The following XRCC6 variants were observed in gnomAD, a reference collection of about 807,000 sequenced individuals.
The protein encoded by XRCC6 is X-ray repair cross complementing 6, also known as DNA repair protein Ku70.
In XRCC6, 5 loss-of-function variants were observed where a neutral mutation model predicts 65.7. The observed-to-expected ratio is 0.08, with a 90% confidence interval of 0.04 to 0.16. The LOEUF is 0.16. Among genes scored for constraint, XRCC6 ranks in the 10% least tolerant of loss-of-function variants. XRCC6 has a pLI of 1.00. For synonymous variants in XRCC6, 270 were observed against 270.6 expected, an observed-to-expected ratio of 1.00 and a Z score of 0.02; for missense variants, 447 against 738.1, an observed-to-expected ratio of 0.61 and a Z score of 4.57.
At chr22:41,630,402 G>T (rs1336539075) in intron 3 of XRCC6, among the ~76,000 whole-genome samples, 1 of 151,756 alleles carries the variant, frequency 6.6e-6, no homozygotes, top group Non-Finnish European at 1.5e-5. Context: ...GTGCCACTAT[G>T]CCTGGCACAT....
chr22:41,646,971 T>G lies in XRCC6; in HGVS notation c.849T>G (p.Pro283=), dbSNP rs149617479. The G allele has an allele frequency of 6.2e-6, 10 of 1,614,044 alleles. No homozygotes were observed. In the African/African-American group the frequency reaches 1.2e-4, roughly 19 times the overall value. ...ATCTGGTCCAGAAGGCTCTCAAGCC[T>G]CCTCCAATAAAGCTCTATCGGGAAA... ...IYNLVQKALK[P]PPIKLYRETN... The change falls in exon 7 of 13, where the codon CCT becomes CCG. Residue 283 remains proline, a synonymous_variant. Transcript: ENST00000360079.
chr22:41,626,996 G>C (rs2067684169), intron 2 of XRCC6, among the ~76,000 whole-genome samples: 3 of 152,020 alleles, frequency 2.0e-5, no homozygotes, highest in Admixed American at 2.0e-4. Context: ...GGCTGGTCTC[G>C]AACTCCTGAT....
intron 8 of XRCC6, among the ~76,000 whole-genome samples, chr22:41,651,696 T>G (rs1444991852): frequency 2.0e-5 from 3 of 151,540 alleles, no homozygotes; most frequent in Non-Finnish European, 1.5e-5. Flanking sequence ...TCTAGCTAAT[T>G]TTTGTATTTT....
At position 41,636,099 on chromosome 22, in the gene XRCC6, A is replaced by T; in HGVS notation, c.196-14A>T. On this transcript the variant is annotated splice_polypyrimidine_tract_variant and intron_variant, in intron 3 of 12. Coordinates refer to ENST00000360079, the MANE Select transcript of XRCC6 (RefSeq NM_001469.5). The stretch of plus-strand genomic sequence containing the variant: ...TTAGTGGTAAGTAAATATTAATTGA[A>T]TTTTTTTTTTCAGTGTATCCAAAGT... 2 of 1,496,764 alleles carry T rather than the reference A, an allele frequency of 1.3e-6. No individual in the cohort carries two copies. Among genetic ancestry groups the T allele is most frequent in the South Asian group, 1.3e-5 (1 of 78,154 alleles). 92.7% of individuals were successfully genotyped at this position (1,496,764 alleles called of 1,614,324 possible). A position where few individuals can be genotyped will look rare whatever the true frequency, so the allele number is the denominator to read the frequency against.
At chr22:41,632,170 TAGGGAGAGGGAG>T (rs899013950) in intron 3 of XRCC6, among the ~76,000 whole-genome samples, 13 of 146,042 alleles carry the variant, frequency 8.9e-5, no homozygotes, top group African/African-American at 3.5e-4. Context: ...GGGAGAGGGA[TAGGGAGAGGGAG>T]AGGGAGAGGG....
intron 10 of XRCC6, among the ~76,000 whole-genome samples, chr22:41,657,746 C>G (rs542307879): frequency 2.6e-4 from 40 of 151,930 alleles, no homozygotes; most frequent in African/African-American, 9.4e-4. Context: ...TCTGGAACTC[C>G]TGAGCTCAAG....
At chr22:41,649,630 G>A (rs551973692) in intron 7 of XRCC6, among the ~76,000 whole-genome samples, 12 of 151,896 alleles carry the variant, frequency 7.9e-5, no homozygotes, top group Non-Finnish European at 1.0e-4. Context: ...TGAGGCGGGC[G>A]GATCACGAGG....
intron 3 of XRCC6, among the ~76,000 whole-genome samples, chr22:41,633,478 A>G (rs191018163): frequency 1.3e-5 from 2 of 150,378 alleles, no homozygotes; most frequent in Admixed American, 6.7e-5. Context: ...CTGGGTTCAC[A>G]CCATTCTCCT....
At chr22:41,640,306 G>A (rs1349454237) in intron 6 of XRCC6, among the ~76,000 whole-genome samples, 1 of 151,822 alleles carries the variant, frequency 6.6e-6, no homozygotes, top group Non-Finnish European at 1.5e-5. Flanking sequence ...CCGCCACCAC[G>A]CCGAGCTGAT....
At chr22:41,657,763 G>A (rs367709676) in intron 10 of XRCC6, among the ~76,000 whole-genome samples, 89 of 151,914 alleles carry the variant, frequency 5.9e-4, no homozygotes, top group Admixed American at 1.7e-3. Context: ...CAAGCCATCC[G>A]CCTGCCTCAG....
chr22:41,656,820 A>T (rs978553845), intron 9 of XRCC6, 83 bp from the exon 10 acceptor site: 1 of 1,595,870 alleles, frequency 6.3e-7, no homozygotes, highest in Non-Finnish European at 8.5e-7. Context: ...ACCACAGGAC[A>T]TAAAAGGAAG....
chr22:41,629,055 T>TAGAGAA (rs2067711644), intron 3 of XRCC6, among the ~76,000 whole-genome samples: 1 of 151,502 alleles, frequency 6.6e-6, no homozygotes, highest in South Asian at 2.1e-4. Flanking sequence ...GTTTAGTCAT[T>TAGAGAA]AGAGAAAGGC....
At chr22:41,631,085 TG>T (rs1569081819) in intron 3 of XRCC6, among the ~76,000 whole-genome samples, 11 of 114,468 alleles carry the variant, frequency 9.6e-5, no homozygotes, top group African/African-American at 5.8e-4. Context: ...GCTGGCCGGG[TG>T]GGGGGATGAC....
At chr22:41,634,186 A>ATT (rs757276375) in intron 3 of XRCC6, among the ~76,000 whole-genome samples, 68 of 140,430 alleles carry the variant, frequency 4.8e-4, no homozygotes, top group African/African-American at 1.4e-3. Context: ...CCAAAACTTA[A>ATT]TTTTTTTTTT....
intron 3 of XRCC6, 82 bp from the exon 4 acceptor site, chr22:41,636,031 T>C: frequency 2.3e-6 from 3 of 1,291,170 alleles, no homozygotes; most frequent in Non-Finnish European, 3.1e-6. Flanking sequence ...AGTGCACATA[T>C]TTTGAGCAAC....
chr22:41,627,486 C>T (rs1190611298), intron 2 of XRCC6, among the ~76,000 whole-genome samples: 4 of 151,606 alleles, frequency 2.6e-5, no homozygotes, highest in Non-Finnish European at 4.4e-5. Flanking sequence ...TGGCGGGCGT[C>T]TATAATCCCA....
intron 7 of XRCC6, among the ~76,000 whole-genome samples, chr22:41,650,155 A>G (rs1426314661): frequency 6.6e-6 from 1 of 151,782 alleles, no homozygotes; most frequent in Non-Finnish European, 1.5e-5. Flanking sequence ...CCCAGGTTGC[A>G]GTGCAGTGGC....
chr22:41,658,157 C>A, intron 10 of XRCC6, 95 bp from the exon 11 acceptor site: 1 of 1,256,446 alleles, frequency 8.0e-7, no homozygotes, highest in Non-Finnish European at 1.1e-6. Flanking sequence ...TTTCTCAGCT[C>A]ACCCCGGACC....
chr22:41,653,567 C>A lies in XRCC6; in HGVS notation c.1168C>A (p.Leu390Met), dbSNP rs1330453852. 1 of 1,613,680 alleles carries A rather than the reference C, an allele frequency of 6.2e-7. No homozygotes were observed. The highest frequency in any genetic ancestry group is 1.3e-5 in the African/African-American group (1 of 74,906). Residue 390 changes from leucine to methionine, a missense_variant, in exon 9 of 13, where the codon CTG becomes ATG. Around this residue, in one of 4 missense-constraint regions of XRCC6, gnomAD observed 201 missense variants for 374.1 expected, o/e 0.54. Coordinates refer to ENST00000360079, the MANE Select transcript of XRCC6 (RefSeq NM_001469.5). The stretch of plus-strand genomic sequence containing the variant: ...GTTCAGTGCTCTGCTCATCAAGTGT[C>A]TGGAGAAGGAGGTTGCAGCATTGTG... ...TLFSALLIKC[L>M]EKEVAALCRY...
Sources: allele counts gnomAD v4.1 joint callset (sites outside exome capture counted in the v4.1 genomes callset), GRCh38; gene constraint gnomAD v4.1.1; regional missense constraint gnomAD v4.1.1; transcripts MANE v1.5; gene names NCBI Gene and HGNC (gene_info 2026-07-23, HGNC 2026-07-21).